The following PDE6D variants were observed in gnomAD, a reference collection of about 807,000 sequenced individuals.
PDE6D encodes the protein retinal rod rhodopsin-sensitive cGMP 3',5'-cyclic phosphodiesterase subunit delta.
A neutral mutation model predicts 21.9 loss-of-function variants in PDE6D; 10 were observed. That is an observed-to-expected ratio of 0.46 (90% CI 0.28 to 0.78). The LOEUF is 0.78. Among genes scored for constraint, PDE6D ranks in the 30% least tolerant of loss-of-function variants. The pLI is 0.12. For missense variants in PDE6D, 139 were observed against 184.8 expected, an observed-to-expected ratio of 0.75 and a Z score of 1.44; for synonymous variants, 59 against 63.5, an observed-to-expected ratio of 0.93 and a Z score of 0.34.
At chr2:231,775,720 C>T (rs114673895) in intron 1 of PDE6D, among the ~76,000 whole-genome samples, 2,025 of 152,170 alleles carry the variant, frequency 0.013, 31 homozygotes, top group Non-Finnish European at 0.018. Context: ...CCTTTGTCCA[C>T]TTTGAGTTAA....
At chr2:231,738,941 A>G (rs529913221) in intron 2 of PDE6D, among the ~76,000 whole-genome samples, 159 bp downstream of exon 2, 113 of 150,970 alleles carry the variant, frequency 7.5e-4, no homozygotes, top group African/African-American at 2.5e-3. Flanking sequence ...AAAAAAAAAA[A>G]AAAGAAAGTA....
chr2:231,769,337 T>G (rs1190164116), intron 1 of PDE6D, among the ~76,000 whole-genome samples: 1 of 152,192 alleles, frequency 6.6e-6, no homozygotes, highest in Admixed American at 6.5e-5. Context: ...CAAAAGCAAT[T>G]AAGGCTTACA....
At chr2:231,758,789 T>A (rs907799256) in intron 1 of PDE6D, among the ~76,000 whole-genome samples, 1 of 152,230 alleles carries the variant, frequency 6.6e-6, no homozygotes, top group African/African-American at 2.4e-5. Context: ...ATACAGATTC[T>A]GGTTCAGTAG....
intron 1 of PDE6D, among the ~76,000 whole-genome samples, chr2:231,774,648 G>C (rs2049040352): frequency 6.6e-6 from 1 of 151,664 alleles, no homozygotes; most frequent in South Asian, 2.1e-4. Flanking sequence ...GAGTGCAGTG[G>C]TGCAATCTCG....
chr2:231,735,241 C>CAAA (rs201484196), intron 4 of PDE6D, among the ~76,000 whole-genome samples: 2 of 86,942 alleles, frequency 2.3e-5, no homozygotes, highest in Non-Finnish European at 2.2e-5. Context: ...GACTCCATAT[C>CAAA]AAAAAAAAAA....
intron 1 of PDE6D, among the ~76,000 whole-genome samples, chr2:231,767,018 A>C (rs2048976405): frequency 6.8e-6 from 1 of 147,094 alleles, no homozygotes; most frequent in Non-Finnish European, 1.5e-5. Flanking sequence ...AAAAAAAAAA[A>C]GCTAAGTCAA....
At chr2:231,737,449 A>T (rs2048710874) in intron 3 of PDE6D, 157 bp from the exon 4 acceptor site, 3 of 563,972 alleles carry the variant, frequency 5.3e-6, no homozygotes, top group Non-Finnish European at 9.5e-6. Flanking sequence ...AAAGACAGGG[A>T]AGCCTGCTCA....
At chr2:231,762,173 C>T (rs1255142983) in intron 1 of PDE6D, among the ~76,000 whole-genome samples, 1 of 152,056 alleles carries the variant, frequency 6.6e-6, no homozygotes, top group East Asian at 1.9e-4. Context: ...ACAAAACTTC[C>T]CTGTTGTAAG....
At chr2:231,746,302 C>T (rs1009753095) in intron 1 of PDE6D, among the ~76,000 whole-genome samples, 4 of 151,938 alleles carry the variant, frequency 2.6e-5, no homozygotes, top group Admixed American at 1.3e-4. Flanking sequence ...CCCCCATGTC[C>T]GGCTAATTTT....
At position 231,775,554 on chromosome 2, in the gene PDE6D, C is replaced by T. The variant is rs927731605; in HGVS notation, c.50+5511G>A. ...CCTAGGCTGGTCTCAAACTTCTAGG[C>T]TCAAGCAATCCACCCACCTTGGCCT... On this transcript the variant is annotated intron_variant, in intron 1 of 4. Coordinates refer to ENST00000287600, the MANE Select transcript of PDE6D (RefSeq NM_002601.4). Among the ~76,000 whole-genome samples the T allele has an allele frequency of 2.0e-5, 3 of 147,720 alleles. No individual in the cohort carries two copies. The East Asian group carries it at 6.0e-4, about 29-fold the overall frequency.
chr2:231,737,518 A>T (rs1303681722), intron 3 of PDE6D: 6 of 460,386 alleles, frequency 1.3e-5, no homozygotes, highest in Non-Finnish European at 2.3e-5. Context: ...CTAAAGGACT[A>T]GGACCAGCGA....
At position 231,755,325 on chromosome 2, in the gene PDE6D, C is replaced by T. The variant is rs569544626; in HGVS notation, c.51-16137G>A. Among the ~76,000 whole-genome samples, 6 of 152,278 alleles carry T rather than the reference C, an allele frequency of 3.9e-5. No homozygotes were observed. The East Asian group carries it at 1.2e-3, about 29-fold the overall frequency. On this transcript the variant is annotated intron_variant, in intron 1 of 4. Transcript: ENST00000287600. The stretch of plus-strand genomic sequence containing the variant: ...TCATAATGAAATAAAGAACAACTTA[C>T]TTGTAAAAAGACCCAGAAAAACTAA...
chr2:231,757,449 G>A (rs1012857203), intron 1 of PDE6D, among the ~76,000 whole-genome samples: 20 of 151,976 alleles, frequency 1.3e-4, no homozygotes, highest in Non-Finnish European at 2.1e-4. Flanking sequence ...AGGAGCGTGC[G>A]ACCACGCCCA....
intron 1 of PDE6D, among the ~76,000 whole-genome samples, chr2:231,746,014 G>A (rs2048790944): frequency 1.3e-5 from 2 of 152,196 alleles, no homozygotes; most frequent in South Asian, 4.1e-4. Context: ...TTTGAACCAA[G>A]CTTGTCCAAC....
chr2:231,734,076 T>C (rs942106246), intron 4 of PDE6D, among the ~76,000 whole-genome samples: 2 of 151,778 alleles, frequency 1.3e-5, no homozygotes, highest in African/African-American at 4.8e-5. Context: ...TAGCCAGGCG[T>C]GGTGGCGGGC....
chr2:231,756,808 T>C (rs748519216), intron 1 of PDE6D, among the ~76,000 whole-genome samples: 25 of 151,644 alleles, frequency 1.6e-4, no homozygotes, highest in Non-Finnish European at 2.4e-4. Flanking sequence ...CCAAACATCA[T>C]TAAGAATTCC....
intron 1 of PDE6D, among the ~76,000 whole-genome samples, chr2:231,767,329 T>G (rs1484088082): frequency 2.6e-5 from 4 of 152,172 alleles, no homozygotes; most frequent in Non-Finnish European, 4.4e-5. Context: ...ATCCTTGTTT[T>G]TTTTTTTTGA....
chr2:231,769,301 C>A (rs2048996906), intron 1 of PDE6D, among the ~76,000 whole-genome samples: 2 of 152,180 alleles, frequency 1.3e-5, no homozygotes, highest in Admixed American at 1.3e-4. Flanking sequence ...GTTCCTTTGT[C>A]TTTGCTCCTT....
intron 1 of PDE6D, among the ~76,000 whole-genome samples, chr2:231,757,522 C>T (rs907313242): frequency 2.6e-5 from 4 of 151,656 alleles, no homozygotes; most frequent in African/African-American, 9.7e-5. Context: ...AGTCTCCTGA[C>T]CTCAGGTGAT....
Sources: allele counts gnomAD v4.1 joint callset (sites outside exome capture counted in the v4.1 genomes callset), GRCh38; gene constraint gnomAD v4.1.1; transcripts MANE v1.5; gene names NCBI Gene and HGNC (gene_info 2026-07-23, HGNC 2026-07-21).